GNA14: variants seen among roughly 807,000 people sequenced by gnomAD.
GNA14 encodes the protein guanine nucleotide-binding protein subunit alpha-14.
Under a neutral mutation model 42.0 loss-of-function variants are expected in GNA14, and 50 were observed. The ratio of observed to expected loss-of-function variants is 1.19; its 90% CI spans 0.95 to 1.51. GNA14 has a LOEUF of 1.51. GNA14 is among the 40% of genes most tolerant of loss of function. The probability of loss-of-function intolerance (pLI) is 0.00; values close to 1 mark genes in which losing one functional copy is unlikely to be tolerated. For missense variants in GNA14, 473 were observed against 446.2 expected (o/e 1.06, Z -0.54); for synonymous variants, 173 against 163.1 (o/e 1.06, Z -0.46).
intron 2 of GNA14, among the ~76,000 whole-genome samples, chr9:77,462,725 C>A (rs917414982): frequency 6.4e-4 from 8 of 12,540 alleles, no homozygotes; most frequent in African/African-American, 2.8e-3. Flanking sequence ...CATCTCGGGG[C>A]GGGGGGTGGG....
At position 77,647,544 on chromosome 9, in the gene GNA14, G is replaced by A. The variant is rs1018064446; in HGVS notation, c.124+126C>T. The A allele has an allele frequency of 5.6e-6, 6 of 1,072,590 alleles. No homozygotes were observed. The East Asian group carries it at 1.1e-4, about 20-fold the overall frequency. The allele number at this position is 1,072,590 out of a possible 1,614,324, so 66.4% of individuals were successfully genotyped here. A position where few individuals can be genotyped will look rare whatever the true frequency, so the allele number is the denominator to read the frequency against. On this transcript the variant is annotated intron_variant, in intron 1 of 6. Transcript: ENST00000341700. Reference sequence around the variant, plus strand: ...GTTGCTGGCATCCGTGAGCTCCGAGGGGGAGAAGGACGAAGCCGCCCTGCA... The same window carrying A: ...GTTGCTGGCATCCGTGAGCTCCGAGAGGGAGAAGGACGAAGCCGCCCTGCA...
rs118113886 is a variant in GNA14, at chr9:77,576,982, T to C, written c.125-47729A>G. On this transcript the variant is annotated intron_variant, in intron 1 of 6. Transcript: ENST00000341700. ...AATTTATGCCTCTTCCTTGCTAACC[T>C]CTAGCATTTTCCATGAGGTAGTAGT... Among the ~76,000 whole-genome samples the C allele has an allele frequency of 3.9e-4, 59 of 152,328 alleles. No homozygotes were observed. The East Asian group carries it at 0.011, about 29-fold the overall frequency.
intron 1 of GNA14, among the ~76,000 whole-genome samples, chr9:77,616,202 A>G (rs1823814551): frequency 6.6e-6 from 1 of 152,184 alleles, no homozygotes; most frequent in African/African-American, 2.4e-5. Context: ...CATTCAAGAG[A>G]TCAAGGACAT....
At chr9:77,435,044 T>C (rs1835621094) in intron 2 of GNA14, among the ~76,000 whole-genome samples, 1 of 146,132 alleles carries the variant, frequency 6.8e-6, no homozygotes, top group African/African-American at 2.6e-5. Flanking sequence ...ATTTTGTTCT[T>C]TCATTTAAAA....
chr9:77,617,700 T>C (rs1227339867), intron 1 of GNA14, among the ~76,000 whole-genome samples: 2 of 152,080 alleles, frequency 1.3e-5, no homozygotes, highest in Non-Finnish European at 2.9e-5. Context: ...CCAGCCATGC[T>C]GCCTATCACT....
intron 2 of GNA14, among the ~76,000 whole-genome samples, chr9:77,455,208 G>GGTCT (rs1307905150): frequency 6.6e-6 from 1 of 152,172 alleles, no homozygotes; most frequent in Admixed American, 6.5e-5. Context: ...GTCACCTGAA[G>GGTCT]GTCTCTCTCA....
intron 2 of GNA14, among the ~76,000 whole-genome samples, chr9:77,442,696 C>T (rs1266308772): frequency 1.3e-5 from 2 of 152,222 alleles, no homozygotes; most frequent in Admixed American, 1.3e-4. Context: ...TATCAAGTAC[C>T]TCCAGACACC....
In GNA14 at chr9:77,513,991, T is replaced by C. The variant is rs79981577; in HGVS notation, c.309+15078A>G. ...TGGCCCTCAGGGATTCTAAAACAGCTGTCTGGTGTCTCTGCTTGAGAAGTC... is the reference window on the plus strand; with the variant it reads ...TGGCCCTCAGGGATTCTAAAACAGCCGTCTGGTGTCTCTGCTTGAGAAGTC... On this transcript the variant is annotated intron_variant, in intron 2 of 6. Transcript: ENST00000341700. Among the ~76,000 whole-genome samples the C allele has an allele frequency of 5.6e-3, 846 of 152,230 alleles. 27 individuals are homozygous for C. The East Asian group carries it at 0.11, about 19-fold the overall frequency.
intron 2 of GNA14, among the ~76,000 whole-genome samples, chr9:77,475,069 A>C (rs1836395297): frequency 6.8e-6 from 1 of 146,784 alleles, no homozygotes; most frequent in Non-Finnish European, 1.5e-5. Flanking sequence ...TTTGTGATCC[A>C]CACCCAAGTT....
intron 2 of GNA14, among the ~76,000 whole-genome samples, chr9:77,497,042 G>T (rs144102933): frequency 1.3e-3 from 203 of 152,138 alleles, no homozygotes; most frequent in Middle Eastern, 3.4e-3. Flanking sequence ...CTTGAGAAGG[G>T]CACTTGTTTT....
chr9:77,630,438 A>T (rs1824079793), intron 1 of GNA14, among the ~76,000 whole-genome samples: 2 of 152,140 alleles, frequency 1.3e-5, no homozygotes, highest in Non-Finnish European at 2.9e-5. Context: ...GATTTATTTA[A>T]TCGATCTACC....
chr9:77,512,836 T>A (rs1837192211), intron 2 of GNA14, among the ~76,000 whole-genome samples: 1 of 152,244 alleles, frequency 6.6e-6, no homozygotes, highest in Non-Finnish European at 1.5e-5. Flanking sequence ...TTTATTTGAT[T>A]TTTACTGGCA....
chr9:77,464,984 A>G (rs554907953), intron 2 of GNA14, among the ~76,000 whole-genome samples: 17 of 152,340 alleles, frequency 1.1e-4, no homozygotes, highest in East Asian at 5.8e-4. Context: ...ACAAGCCAGG[A>G]AACTCCTGGG....
At chr9:77,432,211 T>C (rs745732658) in intron 3 of GNA14, among the ~76,000 whole-genome samples, 53 of 152,230 alleles carry the variant, frequency 3.5e-4, no homozygotes, top group Non-Finnish European at 7.2e-4. Flanking sequence ...CAGAGCCCGC[T>C]GCATGCTGAG....
chr9:77,487,900 G>C (rs1836688472), intron 2 of GNA14, among the ~76,000 whole-genome samples: 1 of 152,088 alleles, frequency 6.6e-6, no homozygotes. Flanking sequence ...GTTGTTATTA[G>C]GAACAACAAT....
chr9:77,589,459 C>T, intron 1 of GNA14, among the ~76,000 whole-genome samples: 1 of 151,980 alleles, frequency 6.6e-6, no homozygotes, highest in Non-Finnish European at 1.5e-5. Flanking sequence ...GCGGAGAACA[C>T]TCTTTGTTTA....
intron 1 of GNA14, among the ~76,000 whole-genome samples, chr9:77,595,112 A>T (rs1003932390): frequency 6.6e-6 from 1 of 152,176 alleles, no homozygotes; most frequent in Non-Finnish European, 1.5e-5. Context: ...GCTGTTTGCC[A>T]TGTCTCAAGC....
chr9:77,630,417 C>G (rs1188980941), intron 1 of GNA14, among the ~76,000 whole-genome samples: 2 of 152,042 alleles, frequency 1.3e-5, no homozygotes, highest in Non-Finnish European at 2.9e-5. Flanking sequence ...CATGCCTGGC[C>G]AAGAGAGTAA....
At chr9:77,463,338 C>G (rs1836149693) in intron 2 of GNA14, among the ~76,000 whole-genome samples, 1 of 152,150 alleles carries the variant, frequency 6.6e-6, no homozygotes, top group Non-Finnish European at 1.5e-5. Flanking sequence ...CTACTCAAGA[C>G]AGCCAAGAAC....
Sources: gnomAD v4.1 joint callset for allele counts (sites outside exome capture counted in the v4.1 genomes callset) on GRCh38, gnomAD v4.1.1 for gene constraint, MANE v1.5 for transcripts, NCBI Gene and HGNC (gene_info 2026-07-23, HGNC 2026-07-21) for gene names.